CAMTA1: variants seen among roughly 807,000 people sequenced by gnomAD.
CAMTA1 encodes the protein calmodulin-binding transcription activator 1.
Under a neutral mutation model 170.9 loss-of-function variants are expected in CAMTA1, and 27 were observed. That is an observed-to-expected ratio of 0.16 (90% CI 0.12 to 0.22). CAMTA1 has a LOEUF of 0.22. Ranked by LOEUF, CAMTA1 falls within the 10% of genes least tolerant of loss-of-function variation. The probability of loss-of-function intolerance (pLI) is 1.00; values close to 1 mark genes in which losing one functional copy is unlikely to be tolerated. For synonymous variants in CAMTA1, 833 were observed against 891.5 expected (o/e 0.93, Z 1.17); for missense variants, 1,619 against 2,217.2 (o/e 0.73, Z 5.42).
chr1:7,715,356 G>A (rs1176024332), intron 11 of CAMTA1, among the ~76,000 whole-genome samples: 1 of 152,158 alleles, frequency 6.6e-6, no homozygotes, highest in East Asian at 1.9e-4. Flanking sequence ...AACCACTTGG[G>A]GGGGTTCTGT....
chr1:7,460,416 C>T (rs889665458), intron 5 of CAMTA1, among the ~76,000 whole-genome samples: 8 of 152,302 alleles, frequency 5.3e-5, no homozygotes, highest in South Asian at 2.1e-4. Flanking sequence ...GGCATGTACA[C>T]GCTCTCTATC....
chr1:7,255,010 T>G (rs1199526883), intron 5 of CAMTA1, among the ~76,000 whole-genome samples: 1 of 152,188 alleles, frequency 6.6e-6, no homozygotes, highest in Non-Finnish European at 1.5e-5. Flanking sequence ...TATTTCTACT[T>G]TTAGTAAAAA....
At chr1:7,109,604 A>G (rs1324183375) in intron 4 of CAMTA1, among the ~76,000 whole-genome samples, 1 of 152,188 alleles carries the variant, frequency 6.6e-6, no homozygotes. Flanking sequence ...GACACGACTC[A>G]TTGATCAGAG....
At chr1:7,069,479 A>C (rs927633605) in intron 3 of CAMTA1, among the ~76,000 whole-genome samples, 1 of 152,220 alleles carries the variant, frequency 6.6e-6, no homozygotes, top group African/African-American at 2.4e-5. Context: ...CAACGGGGCA[A>C]TCAGTAGTTG....
intron 6 of CAMTA1, among the ~76,000 whole-genome samples, chr1:7,486,289 C>G (rs1224693009): frequency 6.6e-6 from 1 of 152,226 alleles, no homozygotes; most frequent in Non-Finnish European, 1.5e-5. Flanking sequence ...AATACCACCA[C>G]TGTAGCTGTC....
chr1:7,691,133 G>C (rs2096306162), intron 11 of CAMTA1, among the ~76,000 whole-genome samples: 1 of 152,210 alleles, frequency 6.6e-6, no homozygotes, highest in Admixed American at 6.5e-5. Context: ...TTCTCGAGGA[G>C]GTCTGGGAGG....
At position 7,512,439 on chromosome 1, in the gene CAMTA1, G is replaced by A. The variant is rs376611175; in HGVS notation, c.510+44538G>A. ...GTCAGGTTTGCGGCAACACTGCTCGGTAACAAACAGTCTGGGAATCTCAGC... is the reference window on the plus strand; with the variant it reads ...GTCAGGTTTGCGGCAACACTGCTCGATAACAAACAGTCTGGGAATCTCAGC... On this transcript the variant is annotated intron_variant, in intron 6 of 22. Coordinates refer to ENST00000303635, the MANE Select transcript of CAMTA1 (RefSeq NM_015215.4). Among the ~76,000 whole-genome samples the A allele has an allele frequency of 5.4e-4, 83 of 152,332 alleles. 1 individual carries two copies. Among genetic ancestry groups the A allele is most frequent in the African/African-American group, 1.9e-3 (80 of 41,586 alleles).
At chr1:7,395,040 G>A (rs11805390) in intron 5 of CAMTA1, among the ~76,000 whole-genome samples, 3,603 of 151,964 alleles carry the variant, frequency 0.024, 148 homozygotes, top group African/African-American at 0.082. Flanking sequence ...CCGCCACCAC[G>A]CCTGGTTAAC....
chr1:6,998,310 TGATCCGCC>T (rs1405837999), intron 3 of CAMTA1, among the ~76,000 whole-genome samples: 1 of 152,140 alleles, frequency 6.6e-6, no homozygotes, highest in African/African-American at 2.4e-5. Context: ...TGACCTCAGG[TGATCCGCC>T]CATCTCTGAG....
rs1011896260 is a variant in CAMTA1 at position 6,970,822 on chromosome 1, C to A, written c.235-120482C>A. 2.0e-5 allele frequency among the ~76,000 whole-genome samples: 3 copies of A among 152,180 alleles called. No individual in the cohort carries two copies. The highest frequency in any genetic ancestry group is 2.9e-5 in the Non-Finnish European group (2 of 68,034). On this transcript the variant is annotated intron_variant, in intron 3 of 22. Transcript: ENST00000303635. This position sits in a 1 kb window ranked among gnomAD's most constrained non-coding sequence, Gnocchi z 4.4. ...TGGAGAACAGAACAGACCCAACAAC[C>A]TCAGGAGAATGAACAGCCAGGTGTT...
At chr1:6,803,686 A>G (rs1320035734) in intron 1 of CAMTA1, among the ~76,000 whole-genome samples, 1 of 152,226 alleles carries the variant, frequency 6.6e-6, no homozygotes, top group Non-Finnish European at 1.5e-5. Flanking sequence ...CAGTGGTTTC[A>G]GTAGTTACAG....
chr1:7,574,639 G>A (rs1428044901), intron 6 of CAMTA1, among the ~76,000 whole-genome samples: 5 of 152,252 alleles, frequency 3.3e-5, no homozygotes, highest in South Asian at 2.1e-4. Context: ...GCTTCCTCTC[G>A]ACGCGATGCA....
intron 6 of CAMTA1, among the ~76,000 whole-genome samples, chr1:7,601,576 A>G (rs1263717390): frequency 2.0e-5 from 3 of 152,180 alleles, no homozygotes; most frequent in East Asian, 1.9e-4. Context: ...GCACTTTGGG[A>G]GGCCAAGGCA....
At chr1:7,414,084 G>A (rs2090984531) in intron 5 of CAMTA1, among the ~76,000 whole-genome samples, 1 of 152,212 alleles carries the variant, frequency 6.6e-6, no homozygotes, top group South Asian at 2.1e-4. Flanking sequence ...TGTTGAACCA[G>A]CCTTGCATCC....
intron 5 of CAMTA1, among the ~76,000 whole-genome samples, chr1:7,265,519 G>A (rs564151228): frequency 1.3e-5 from 2 of 152,120 alleles, no homozygotes; most frequent in South Asian, 2.1e-4. Context: ...TCGCCATGTT[G>A]GCCAGGCTGG....
intron 4 of CAMTA1, among the ~76,000 whole-genome samples, chr1:7,239,071 T>A (rs1574116409): frequency 6.6e-6 from 1 of 152,184 alleles, no homozygotes; most frequent in East Asian, 1.9e-4. Flanking sequence ...CTTGTTATTA[T>A]ACCATGGTCA....
chr1:7,030,156 C>T (rs10864266), intron 3 of CAMTA1, among the ~76,000 whole-genome samples: 20,753 of 152,162 alleles, frequency 0.14, 1,538 homozygotes, highest in Non-Finnish European at 0.18. Context: ...TTAGTTGCAG[C>T]GCAGAATCTG....
rs574685058 is a variant in CAMTA1, at chr1:7,535,443, T to C, written c.510+67542T>C. 7.2e-5 allele frequency among the ~76,000 whole-genome samples: 11 copies of C among 152,312 alleles called. No individual in the cohort carries two copies. The East Asian group carries it at 1.9e-3, about 27-fold the overall frequency. ...GAGTATGTGGGCTCAGGACCTGCCC[T>C]GTGACATGGTCCTAAAGTAAAACTT... On this transcript the variant is annotated intron_variant, in intron 6 of 22. Coordinates refer to ENST00000303635, the MANE Select transcript of CAMTA1 (RefSeq NM_015215.4).
intron 6 of CAMTA1, among the ~76,000 whole-genome samples, chr1:7,500,151 T>C (rs1352743893): frequency 5.5e-5 from 8 of 146,542 alleles, no homozygotes; most frequent in African/African-American, 1.0e-4. Context: ...GGTGTGTGTG[T>C]GCATGTGTGT....
Sources: allele counts gnomAD v4.1 joint callset (sites outside exome capture counted in the v4.1 genomes callset), GRCh38; gene constraint gnomAD v4.1.1; non-coding constraint Gnocchi (gnomAD v3.1); transcripts MANE v1.5; gene names NCBI Gene and HGNC (gene_info 2026-07-23, HGNC 2026-07-21).